Variants in SOHLH1 observed in about 807,000 individuals in gnomAD.
SOHLH1 encodes the protein spermatogenesis and oogenesis specific basic helix-loop-helix 1.
SOHLH1 carries 23 observed loss-of-function variants against 36.2 expected under a neutral mutation model. That is an observed-to-expected ratio of 0.64 (90% CI 0.46 to 0.90). The LOEUF (loss-of-function observed/expected upper bound fraction) is 0.90. Among genes scored for constraint, SOHLH1 ranks in the 40% least tolerant of loss-of-function variants. The probability of loss-of-function intolerance (pLI) is 0.00; values close to 1 mark genes in which losing one functional copy is unlikely to be tolerated. For synonymous variants in SOHLH1, 289 were observed against 228.3 expected (o/e 1.27, Z -2.40); for missense variants, 608 against 517.0 (o/e 1.18, Z -1.71).
At chr9:135,695,001 A>G in intron 6 of SOHLH1, 49 bp downstream of exon 6, 3 of 1,530,334 alleles carry the variant, frequency 2.0e-6, no homozygotes, top group Non-Finnish European at 2.7e-6. Flanking sequence ...GCTCACACAC[A>G]CATGCTCGCT....
chr9:135,698,606 G>T, intron 2 of SOHLH1, 130 bp from the exon 3 acceptor site: 1 of 1,347,782 alleles, frequency 7.4e-7, no homozygotes, highest in Non-Finnish European at 1.0e-6. Context: ...ATGACTCAGA[G>T]CTGCCCCCGT....
In SOHLH1 at chr9:135,696,649, C is replaced by A; in HGVS notation, c.624G>T (p.Gly208=). 2 of 1,612,820 alleles carry A rather than the reference C, an allele frequency of 1.2e-6. No individual in the cohort carries two copies. Among genetic ancestry groups the A allele is most frequent in the Non-Finnish European group, 8.5e-7 (1 of 1,179,846 alleles). Residue 208 remains glycine, a synonymous_variant, in exon 5 of 8, where the codon GGG becomes GGT. Coordinates refer to ENST00000425225, the MANE Select transcript of SOHLH1 (RefSeq NM_001101677.2). ...LGTDKCEALL[G]LCQVRGGLPP... Reference sequence around the variant, plus strand: ...GCAGCCCACCCCGCACCTGGCACAGCCCCAACAGTGCCTCACACTTGTCCG... The same window carrying A: ...GCAGCCCACCCCGCACCTGGCACAGACCCAACAGTGCCTCACACTTGTCCG...
rs140357374 is a variant in SOHLH1 at position 135,694,350 on chromosome 9, G to A, written c.946+37C>T. The A allele has an allele frequency of 9.0e-5, 145 of 1,612,330 alleles. No homozygotes were observed. In the African/African-American group the frequency reaches 1.3e-3, roughly 15 times the overall value. ...TCCCCAGCTCATATCAGGTGCTTAC[G>A]CGGGGGGACCAGCCCTGAACCCAGG... On this transcript the variant is annotated intron_variant, in intron 7 of 7. Transcript: ENST00000425225.
intron 6 of SOHLH1, among the ~76,000 whole-genome samples, chr9:135,694,803 A>G (rs1834724317): frequency 7.0e-6 from 1 of 143,066 alleles, no homozygotes; most frequent in African/African-American, 2.6e-5. Flanking sequence ...ACTATCAGCC[A>G]AAACAAATGA....
intron 4 of SOHLH1, among the ~76,000 whole-genome samples, chr9:135,697,216 T>C (rs1834839230): frequency 6.6e-6 from 1 of 152,202 alleles, no homozygotes; most frequent in African/African-American, 2.4e-5. Context: ...ACTGACCACC[T>C]GTAAATTCCC....
upstream of SOHLH1, among the ~76,000 whole-genome samples, chr9:135,700,713 A>G (rs1170108337): frequency 6.6e-6 from 1 of 152,138 alleles, no homozygotes; most frequent in Non-Finnish European, 1.5e-5. Flanking sequence ...GTTATGTAAT[A>G]TAAGGTGGTG....
intron 7 of SOHLH1, chr9:135,694,126 A>G (rs572015362): frequency 1.4e-6 from 2 of 1,432,312 alleles, no homozygotes; most frequent in East Asian, 5.0e-5. Context: ...ACACAGGGTC[A>G]AGGGGAAGAA....
chr9:135,698,039 A>G (rs1834878774), intron 3 of SOHLH1, among the ~76,000 whole-genome samples: 1 of 152,092 alleles, frequency 6.6e-6, no homozygotes, highest in South Asian at 2.1e-4. Flanking sequence ...AGGAGACCCC[A>G]ACTCTCCCCC....
At chr9:135,698,921 G>T in intron 2 of SOHLH1, 74 bp downstream of exon 2, 1 of 1,604,514 alleles carries the variant, frequency 6.2e-7, no homozygotes. Flanking sequence ...GACACCTGGT[G>T]GCAGCCCCGA....
intron 1 of SOHLH1, 51 bp from the exon 2 acceptor site, chr9:135,699,177 C>T (rs759073652): frequency 2.6e-6 from 4 of 1,551,746 alleles, no homozygotes; most frequent in Non-Finnish European, 3.5e-6. Context: ...GAAAAGGCCA[C>T]CAGGAGTCCC....
intron 1 of SOHLH1, 41 bp from the exon 2 acceptor site, chr9:135,699,167 G>A: frequency 1.9e-6 from 3 of 1,559,948 alleles, no homozygotes; most frequent in Non-Finnish European, 2.6e-6. Flanking sequence ...GAGAACCCCA[G>A]AAAAGGCCAC....
At chr9:135,694,584 G>A (rs1834716453) in intron 6 of SOHLH1, 127 bp from the exon 7 acceptor site, 1 of 1,336,456 alleles carries the variant, frequency 7.5e-7, no homozygotes, top group African/African-American at 1.4e-5. Flanking sequence ...ACTCCTGACA[G>A]GCTCCACCCT....
chr9:135,697,760 G>A (rs1044681763), intron 3 of SOHLH1, 133 bp from the exon 4 acceptor site: 34 of 1,079,794 alleles, frequency 3.1e-5, no homozygotes, highest in Admixed American at 8.1e-5. Flanking sequence ...ACTTGGGGGC[G>A]AGAGTACAGG....
chr9:135,696,460 C>T (rs919544705), intron 5 of SOHLH1, 152 bp downstream of exon 5: 1 of 864,040 alleles, frequency 1.2e-6, no homozygotes, highest in Non-Finnish European at 1.8e-6. Context: ...GAATCAAGCT[C>T]ATCCCTCAAC....
chr9:135,695,200 A>G lies in SOHLH1; in HGVS notation c.725T>C (p.Leu242Pro). ...CTGCTGCGAGAACGGAGGCCAGGAC[A>G]GGGGTGGCCTCACAGCCTTAGGAAG... Reference protein sequence around the residue: ...RSLPKAVRPPLSWPPFSQQQT... With the variant: ...RSLPKAVRPPPSWPPFSQQQT... The change falls in exon 6 of 8, where the codon CTG (leucine) becomes CCG (proline). Residue 242 changes from leucine (L) to proline (P), a missense_variant. By Grantham distance (98) the Leu-to-Pro change is moderately conservative (BLOSUM62 -3). Transcript: ENST00000425225. 1 of 1,605,298 alleles carries G rather than the reference A, an allele frequency of 6.2e-7. No individual in the cohort carries two copies. The highest frequency in any genetic ancestry group is 8.5e-7 in the Non-Finnish European group (1 of 1,177,488).
At chr9:135,699,517 A>G (rs1411828332), upstream of SOHLH1, 4 of 1,580,780 alleles carry the variant, frequency 2.5e-6, no homozygotes, top group East Asian at 9.1e-5. Flanking sequence ...TTCCGCAGGC[A>G]GCCCCGCCCC....
intron 6 of SOHLH1, among the ~76,000 whole-genome samples, chr9:135,694,830 AG>A (rs1834725161): frequency 6.6e-6 from 1 of 152,232 alleles, no homozygotes; most frequent in South Asian, 2.1e-4. Context: ...GGAAGACAAA[AG>A]TGTTTCCAGA....
chr9:135,693,450 C>T lies in SOHLH1; in HGVS notation c.*147G>A. On this transcript the variant is annotated 3_prime_UTR_variant, in exon 8 of 8. Transcript: ENST00000425225. ...AACTGCTTTCCCTCTTTAATATTCA[C>T]TATCCTCTTCTCACAGCCTGTAAGC... 1.7e-6 allele frequency: 2 copies of T among 1,147,146 alleles called. No homozygotes were observed. Among genetic ancestry groups the T allele is most frequent in the Non-Finnish European group, 2.4e-6 (2 of 832,700 alleles). The allele number at this position is 1,147,146 out of a possible 1,614,324, so 71.1% of individuals were successfully genotyped here. A position where few individuals can be genotyped will look rare whatever the true frequency, so the allele number is the denominator to read the frequency against.
At chr9:135,696,410 G>A (rs903176966) in intron 5 of SOHLH1, among the ~76,000 whole-genome samples, 3 of 152,086 alleles carry the variant, frequency 2.0e-5, no homozygotes, top group Non-Finnish European at 4.4e-5. Context: ...GAGAGCACAC[G>A]TCCTCCTTTT....
Sources: gnomAD v4.1 joint callset for allele counts (sites outside exome capture counted in the v4.1 genomes callset) on GRCh38, gnomAD v4.1.1 for gene constraint, MANE v1.5 for transcripts, NCBI Gene and HGNC (gene_info 2026-07-23, HGNC 2026-07-21) for gene names.